NEK7: variants seen among roughly 807,000 people sequenced by gnomAD.
The protein encoded by NEK7 is NIMA related kinase 7.
Under a neutral mutation model 44.6 loss-of-function variants are expected in NEK7, and 18 were observed. The ratio of observed to expected loss-of-function variants is 0.40; its 90% CI spans 0.28 to 0.60. The LOEUF (loss-of-function observed/expected upper bound fraction) is 0.60. Among genes scored for constraint, NEK7 ranks in the 20% least tolerant of loss-of-function variants. The pLI is 0.38. For missense variants in NEK7, 256 were observed against 366.5 expected (o/e 0.70, Z 2.46); for synonymous variants, 130 against 121.1 (o/e 1.07, Z -0.48).
chr1:198,288,204 A>T (rs1654438454), intron 7 of NEK7, among the ~76,000 whole-genome samples: 2 of 152,234 alleles, frequency 1.3e-5, no homozygotes, highest in Admixed American at 6.5e-5. Flanking sequence ...ATGTTCAGTC[A>T]GTACTATAGG....
At chr1:198,300,938 T>G (rs1558101764) in intron 9 of NEK7, among the ~76,000 whole-genome samples, 1 of 152,240 alleles carries the variant, frequency 6.6e-6, no homozygotes, top group Non-Finnish European at 1.5e-5. Context: ...TAATGCCAGG[T>G]GTCCATTTAC....
intron 1 of NEK7, chr1:198,197,793 T>C: frequency 1.4e-6 from 1 of 728,836 alleles, no homozygotes. Flanking sequence ...TCAGAGTCAC[T>C]GATGGAAGAG....
intron 3 of NEK7, among the ~76,000 whole-genome samples, chr1:198,260,003 G>T (rs1653403160): frequency 6.6e-6 from 1 of 152,136 alleles, no homozygotes; most frequent in South Asian, 2.1e-4. Context: ...ATCTGACACT[G>T]TGCATCTTAA....
chr1:198,265,766 A>G (rs1295622711), intron 5 of NEK7, among the ~76,000 whole-genome samples: 1 of 151,984 alleles, frequency 6.6e-6, no homozygotes, highest in Non-Finnish European at 1.5e-5. Context: ...TAAAGAGTTG[A>G]TTTCCTGGGC....
At chr1:198,167,681 A>G (rs931116834) in intron 1 of NEK7, among the ~76,000 whole-genome samples, 8 of 152,110 alleles carry the variant, frequency 5.3e-5, no homozygotes, top group Non-Finnish European at 1.2e-4. Context: ...ACAGGGGCAA[A>G]AGCTCTTTGC....
intron 1 of NEK7, among the ~76,000 whole-genome samples, chr1:198,227,046 G>A (rs1455104322): frequency 2.0e-5 from 3 of 151,984 alleles, no homozygotes; most frequent in Non-Finnish European, 4.4e-5. Flanking sequence ...AGGCCCCAGT[G>A]TGTGATGTTC....
At chr1:198,226,747 G>C (rs958031370) in intron 1 of NEK7, among the ~76,000 whole-genome samples, 7 of 149,708 alleles carry the variant, frequency 4.7e-5, no homozygotes, top group African/African-American at 1.7e-4. Context: ...ATCTCTCTCT[G>C]TGAACTTCTC....
intron 7 of NEK7, among the ~76,000 whole-genome samples, chr1:198,282,834 C>A (rs77745241): frequency 0.028 from 4,208 of 152,092 alleles, 193 homozygotes; most frequent in African/African-American, 0.096. Flanking sequence ...ATTCTAGAGA[C>A]AAGGAATGTA....
At chr1:198,166,268 A>C (rs1245194266) in intron 1 of NEK7, among the ~76,000 whole-genome samples, 1 of 152,262 alleles carries the variant, frequency 6.6e-6, no homozygotes, top group Non-Finnish European at 1.5e-5. Context: ...TTTTAAACAC[A>C]TTCAAAATAA....
intron 9 of NEK7, among the ~76,000 whole-genome samples, chr1:198,318,491 G>T (rs188031695): frequency 1.6e-4 from 25 of 152,266 alleles, no homozygotes; most frequent in Admixed American, 1.5e-3. Flanking sequence ...TGAAGAAATT[G>T]TGCTAATTTA....
chr1:198,268,940 G>A (rs1653748292), intron 5 of NEK7, among the ~76,000 whole-genome samples: 1 of 152,010 alleles, frequency 6.6e-6, no homozygotes. Flanking sequence ...ATTTCTGCTG[G>A]TACTTCAGTT....
chr1:198,257,749 A>G (rs986056051), intron 3 of NEK7, among the ~76,000 whole-genome samples: 2 of 152,200 alleles, frequency 1.3e-5, no homozygotes, highest in Non-Finnish European at 2.9e-5. Flanking sequence ...CTTTAAAATT[A>G]AAGCTTTTTA....
chr1:198,234,741 C>A (rs1666498585), intron 2 of NEK7, among the ~76,000 whole-genome samples: 2 of 152,210 alleles, frequency 1.3e-5, no homozygotes, highest in African/African-American at 2.4e-5. Context: ...CCTCCTGCTG[C>A]TGCTCCTGTG....
intron 1 of NEK7, among the ~76,000 whole-genome samples, chr1:198,183,475 A>G (rs1228358753): frequency 6.6e-6 from 1 of 152,218 alleles, no homozygotes; most frequent in East Asian, 1.9e-4. Flanking sequence ...TGAAGGAGGT[A>G]TTCTAGGATG....
chr1:198,302,418 C>T (rs1333264020), intron 9 of NEK7, among the ~76,000 whole-genome samples: 2 of 150,316 alleles, frequency 1.3e-5, no homozygotes, highest in Admixed American at 1.3e-4. Context: ...TCTGGCTTCT[C>T]CTGGAATAGT....
Position 198,314,128 on chromosome 1 carries a change from G to A in NEK7, c.799-5284G>A, listed in dbSNP as rs376213061. Among the ~76,000 whole-genome samples the A allele has an allele frequency of 3.7e-4, 57 of 152,184 alleles. 1 individual carries two copies. In the East Asian group the frequency reaches 7.2e-3, roughly 19 times the overall value. On this transcript the variant is annotated intron_variant, in intron 9 of 9. Coordinates refer to ENST00000367385, the MANE Select transcript of NEK7 (RefSeq NM_133494.3). ...CCCATATTTCTTGGAGGCTTTGCTC[G>A]TTTCTTTTTATTCTTTTTTCTCTAA...
intron 1 of NEK7, among the ~76,000 whole-genome samples, chr1:198,225,841 T>C (rs576635663): frequency 6.6e-6 from 1 of 152,164 alleles, no homozygotes; most frequent in Non-Finnish European, 1.5e-5. Context: ...TTTGGGGAGT[T>C]TTTTTTGTTT....
intron 1 of NEK7, among the ~76,000 whole-genome samples, chr1:198,170,059 G>A (rs903719401): frequency 6.6e-6 from 1 of 151,938 alleles, no homozygotes; most frequent in East Asian, 1.9e-4. Flanking sequence ...CCAGGCACAC[G>A]TCTCTGCAAG....
chr1:198,270,275 T>C (rs1653794904), intron 5 of NEK7, among the ~76,000 whole-genome samples: 1 of 151,980 alleles, frequency 6.6e-6, no homozygotes, highest in Non-Finnish European at 1.5e-5. Flanking sequence ...TTTGAATTAA[T>C]ATAGGTCAAT....
Sources: gnomAD v4.1 joint callset for allele counts (sites outside exome capture counted in the v4.1 genomes callset) on GRCh38, gnomAD v4.1.1 for gene constraint, MANE v1.5 for transcripts, NCBI Gene and HGNC (gene_info 2026-07-23, HGNC 2026-07-21) for gene names.